HEMK2: variants seen among roughly 807,000 people sequenced by gnomAD.
The protein encoded by HEMK2 is methyltransferase HEMK2.
chr21:28,800,030 T>G, the HEMK2 span, among the ~76,000 whole-genome samples: 2 of 152,222 alleles, frequency 1.3e-5, no homozygotes, highest in Non-Finnish European at 2.9e-5. Flanking sequence ...ATTGTAGCTT[T>G]GGCAATCCTG....
At chr21:28,609,421 C>T in the HEMK2 span, among the ~76,000 whole-genome samples, 1 of 152,138 alleles carries the variant, frequency 6.6e-6, no homozygotes. Flanking sequence ...CCCAGATCTT[C>T]ACTCTGACAT....
the HEMK2 span, among the ~76,000 whole-genome samples, chr21:28,655,745 T>C: frequency 1.3e-5 from 2 of 152,108 alleles, no homozygotes; most frequent in Non-Finnish European, 2.9e-5. Flanking sequence ...GTACTAGCTC[T>C]CTGATATTTC....
the HEMK2 span, among the ~76,000 whole-genome samples, chr21:28,595,773 C>CTTTATTTA: frequency 3.3e-3 from 487 of 149,438 alleles, 1 homozygote; most frequent in Middle Eastern, 0.014. Flanking sequence ...TTTTATTTTA[C>CTTTATTTA]TTTATTTATT....
chr21:28,668,759 G>T, the HEMK2 span, among the ~76,000 whole-genome samples: 1 of 152,172 alleles, frequency 6.6e-6, no homozygotes, highest in East Asian at 1.9e-4. Flanking sequence ...CCGTGTATTA[G>T]TGATATAGGT....
chr21:28,740,218 A>G, the HEMK2 span, among the ~76,000 whole-genome samples: 6 of 152,336 alleles, frequency 3.9e-5, no homozygotes, highest in East Asian at 1.2e-3. Context: ...TAGCAACCAC[A>G]GTTTCCAAAG....
chr21:28,773,385 T>C, the HEMK2 span, among the ~76,000 whole-genome samples: 2 of 152,152 alleles, frequency 1.3e-5, no homozygotes, highest in African/African-American at 4.8e-5. Context: ...AAACACCTAA[T>C]ACATACTAGG....
At chr21:28,598,736 T>A in the HEMK2 span, among the ~76,000 whole-genome samples, 1 of 152,212 alleles carries the variant, frequency 6.6e-6, no homozygotes, top group Admixed American at 6.5e-5. Flanking sequence ...GAATTACCCA[T>A]TCCCCAACTC....
the HEMK2 span, among the ~76,000 whole-genome samples, chr21:28,850,043 T>C: frequency 6.6e-6 from 1 of 151,898 alleles, no homozygotes; most frequent in African/African-American, 2.4e-5. Flanking sequence ...AAGACAATGA[T>C]CTCCAGGACA....
chr21:28,660,304 T>TA, the HEMK2 span, among the ~76,000 whole-genome samples: 32 of 151,834 alleles, frequency 2.1e-4, no homozygotes, highest in African/African-American at 4.8e-4. Flanking sequence ...CTGGAAATGA[T>TA]AAAAAAACTT....
chr21:28,715,109 C>T, the HEMK2 span, among the ~76,000 whole-genome samples: 1 of 152,078 alleles, frequency 6.6e-6, no homozygotes, highest in Non-Finnish European at 1.5e-5. Flanking sequence ...CATATAAGTG[C>T]ATGTGTTTTT....
At chr21:28,800,912 T>TC in the HEMK2 span, among the ~76,000 whole-genome samples, 3 of 152,240 alleles carry the variant, frequency 2.0e-5, no homozygotes, top group East Asian at 5.8e-4. Context: ...CATCATTGAC[T>TC]AAGTAGCCTT....
the HEMK2 span, among the ~76,000 whole-genome samples, chr21:28,790,910 C>T: frequency 6.6e-6 from 1 of 151,292 alleles, no homozygotes; most frequent in South Asian, 2.1e-4. Flanking sequence ...TGTAGCACAC[C>T]AGCATGGCAC....
chr21:28,658,052 G>A, the HEMK2 span, among the ~76,000 whole-genome samples: 1 of 152,002 alleles, frequency 6.6e-6, no homozygotes, highest in African/African-American at 2.4e-5. Context: ...AGAAATCCTA[G>A]AAGTTGTGGG....
chr21:28,594,052 A>C, the HEMK2 span, among the ~76,000 whole-genome samples: 6 of 152,246 alleles, frequency 3.9e-5, no homozygotes, highest in Non-Finnish European at 8.8e-5. Context: ...TGATGTGATG[A>C]GAATGGCATT....
chr21:28,606,015 C>T, the HEMK2 span, among the ~76,000 whole-genome samples: 1 of 152,138 alleles, frequency 6.6e-6, no homozygotes, highest in African/African-American at 2.4e-5. Flanking sequence ...ACAACACACA[C>T]ACACACATAC....
chr21:28,839,885 C>T, the HEMK2 span, among the ~76,000 whole-genome samples: 29 of 151,976 alleles, frequency 1.9e-4, no homozygotes, highest in African/African-American at 6.3e-4. Flanking sequence ...TCATACAGAA[C>T]GAAAAAAGAG....
At chr21:28,674,339 C>A in the HEMK2 span, among the ~76,000 whole-genome samples, 8 of 152,158 alleles carry the variant, frequency 5.3e-5, no homozygotes, top group Admixed American at 5.2e-4. Context: ...TTCTTTTATA[C>A]CTTTACTTTC....
chr21:28,775,797 T>C, the HEMK2 span, among the ~76,000 whole-genome samples: 1 of 151,532 alleles, frequency 6.6e-6, no homozygotes, highest in Non-Finnish European at 1.5e-5. Context: ...AAATGGTGAG[T>C]GAGAGAGAAG....
At chr21:28,633,863 C>A in the HEMK2 span, among the ~76,000 whole-genome samples, 1 of 152,150 alleles carries the variant, frequency 6.6e-6, no homozygotes, top group Non-Finnish European at 1.5e-5. Flanking sequence ...ACCTATCTGC[C>A]ATCCGTCTCC....
Sources: gnomAD v4.1 joint callset for allele counts (sites outside exome capture counted in the v4.1 genomes callset) on GRCh38, gnomAD v4.1.1 for gene constraint, MANE v1.5 for transcripts, NCBI Gene and HGNC (gene_info 2026-07-23, HGNC 2026-07-21) for gene names.